Variants in SNTG1 observed in about 807,000 individuals in gnomAD.
SNTG1 encodes syntrophin gamma 1.
SNTG1 carries 39 observed loss-of-function variants against 74.7 expected under a neutral mutation model. The ratio of observed to expected loss-of-function variants is 0.52; its 90% CI spans 0.40 to 0.68. The LOEUF (loss-of-function observed/expected upper bound fraction) is 0.68. Among genes scored for constraint, SNTG1 ranks in the 30% least tolerant of loss-of-function variants. SNTG1 has a pLI of 0.00. For synonymous variants in SNTG1, 254 were observed against 217.1 expected, an observed-to-expected ratio of 1.17 and a Z score of -1.49; for missense variants, 685 against 609.5, an observed-to-expected ratio of 1.12 and a Z score of -1.30.
At chr8:50,790,750 AG>A (rs142062345) in intron 18 of SNTG1, among the ~76,000 whole-genome samples, 14,713 of 151,926 alleles carry the variant, frequency 0.097, 771 homozygotes, top group Middle Eastern at 0.13. Context: ...GGGTATAAAA[AG>A]TTTAAAGTGT....
chr8:50,732,249 A>G (rs1015839266), intron 17 of SNTG1, among the ~76,000 whole-genome samples: 1 of 151,996 alleles, frequency 6.6e-6, no homozygotes, highest in African/African-American at 2.4e-5. Context: ...ATTTATAATT[A>G]TAATTTGAGA....
intron 15 of SNTG1, among the ~76,000 whole-genome samples, chr8:50,700,844 T>G (rs2131504946): frequency 6.6e-6 from 1 of 152,304 alleles, no homozygotes; most frequent in East Asian, 1.9e-4. Context: ...AGTCAGTTCA[T>G]GAGAAGTATA....
chr8:50,732,375 AT>A (rs35353091), intron 17 of SNTG1, among the ~76,000 whole-genome samples: 1 of 151,816 alleles, frequency 6.6e-6, no homozygotes, highest in Admixed American at 6.6e-5. Flanking sequence ...TTTGGCAGAC[AT>A]TTTTTCTCTA....
intron 1 of SNTG1, among the ~76,000 whole-genome samples, chr8:50,140,580 GT>G (rs2081622502): frequency 6.6e-6 from 1 of 152,062 alleles, no homozygotes. Flanking sequence ...ATGTGTGAAT[GT>G]TTATAGTATG....
rs116897033 is a variant in SNTG1 at position 49,976,904 on chromosome 8, C to T, written c.-103+64673C>T. Reference sequence around the variant, plus strand: ...TCATTCTGGCTACTATGTGCAGAAACGAATCATAGAGGAAAGCAGCTCAGA... The same window carrying T: ...TCATTCTGGCTACTATGTGCAGAAATGAATCATAGAGGAAAGCAGCTCAGA... On this transcript the variant is annotated intron_variant, in intron 1 of 18. Transcript: ENST00000642720. 8.5e-3 allele frequency among the ~76,000 whole-genome samples: 1,299 copies of T among 152,194 alleles called. 13 individuals are homozygous for T. Among genetic ancestry groups the T allele is most frequent in the South Asian group, 0.027 (130 of 4,820 alleles).
chr8:50,496,967 A>G (rs1215782477), intron 8 of SNTG1, among the ~76,000 whole-genome samples: 1 of 120,560 alleles, frequency 8.3e-6, no homozygotes, highest in East Asian at 2.7e-4. Context: ...CATTTAAAGC[A>G]TAGAAGAAAA....
chr8:49,984,116 T>C (rs1812934296), intron 1 of SNTG1, among the ~76,000 whole-genome samples: 1 of 152,198 alleles, frequency 6.6e-6, no homozygotes, highest in Non-Finnish European at 1.5e-5. Context: ...TTATAGTTCA[T>C]GTTGTGAGAA....
chr8:49,964,661 A>T (rs1187307660), intron 1 of SNTG1, among the ~76,000 whole-genome samples: 2 of 152,126 alleles, frequency 1.3e-5, no homozygotes, highest in African/African-American at 4.8e-5. Flanking sequence ...CGTTCTACTC[A>T]CTTTCACCTT....
chr8:50,420,641 T>A (rs957755700), intron 4 of SNTG1, among the ~76,000 whole-genome samples: 1 of 152,084 alleles, frequency 6.6e-6, no homozygotes, highest in Non-Finnish European at 1.5e-5. Context: ...CTTAAGTTTT[T>A]TAAAGTAAGG....
intron 17 of SNTG1, among the ~76,000 whole-genome samples, chr8:50,717,004 G>A (rs749778918): frequency 3.9e-5 from 6 of 152,022 alleles, no homozygotes; most frequent in Admixed American, 3.9e-4. Flanking sequence ...CCAAAATGCT[G>A]GGATTACAGG....
At chr8:50,589,642 GA>G (rs1181488580) in intron 12 of SNTG1, among the ~76,000 whole-genome samples, 1 of 149,174 alleles carries the variant, frequency 6.7e-6, no homozygotes, top group Non-Finnish European at 1.5e-5. Flanking sequence ...CATTATTGAA[GA>G]CAAGGGCCCA....
intron 2 of SNTG1, among the ~76,000 whole-genome samples, chr8:50,174,618 T>C (rs2082927084): frequency 6.6e-6 from 1 of 152,238 alleles, no homozygotes; most frequent in African/African-American, 2.4e-5. Flanking sequence ...TTATTTTTCA[T>C]TGCTAGACCT....
At chr8:49,971,825 T>C (rs985402520) in intron 1 of SNTG1, among the ~76,000 whole-genome samples, 1 of 152,116 alleles carries the variant, frequency 6.6e-6, no homozygotes, top group East Asian at 1.9e-4. Context: ...GAAGGACCTC[T>C]TCAAGGAGAA....
chr8:50,311,998 A>T (rs1198557351), intron 2 of SNTG1, among the ~76,000 whole-genome samples: 2 of 152,136 alleles, frequency 1.3e-5, no homozygotes, highest in African/African-American at 4.8e-5. Context: ...GATTCTCCTT[A>T]ATAACAGTAA....
intron 1 of SNTG1, among the ~76,000 whole-genome samples, chr8:50,134,938 G>A (rs950628793): frequency 7.2e-5 from 11 of 152,090 alleles, no homozygotes; most frequent in African/African-American, 2.4e-4. Context: ...ATGAAAAAAA[G>A]GGTCAAATAA....
chr8:50,689,206 C>T (rs947102284), intron 15 of SNTG1, among the ~76,000 whole-genome samples: 21 of 152,208 alleles, frequency 1.4e-4, no homozygotes, highest in African/African-American at 4.1e-4. Flanking sequence ...ACAGGGACAA[C>T]TTGACTTCCT....
intron 8 of SNTG1, among the ~76,000 whole-genome samples, chr8:50,475,373 C>G (rs2093689241): frequency 6.6e-6 from 1 of 152,072 alleles, no homozygotes; most frequent in Non-Finnish European, 1.5e-5. Context: ...ATATGTGGCT[C>G]TTCATTTAAA....
chr8:50,583,154 G>C (rs1169427347), intron 12 of SNTG1, among the ~76,000 whole-genome samples: 1 of 151,996 alleles, frequency 6.6e-6, no homozygotes, highest in Non-Finnish European at 1.5e-5. Flanking sequence ...GTAATCTTAA[G>C]TACTTTGGGA....
At chr8:50,645,157 AGGTTCTATAATGAACC>A (rs569092288) in intron 13 of SNTG1, among the ~76,000 whole-genome samples, 131,878 of 151,066 alleles carry the variant, frequency 0.87, 57,854 homozygotes, top group African/African-American at 0.95. Context: ...ATTTTATAGA[AGGTTCTATAATGAACC>A]TTGAAACATA....
Sources: allele counts gnomAD v4.1 joint callset (sites outside exome capture counted in the v4.1 genomes callset), GRCh38; gene constraint gnomAD v4.1.1; transcripts MANE v1.5; gene names NCBI Gene and HGNC (gene_info 2026-07-23, HGNC 2026-07-21).